Variants in SDK1 observed in about 807,000 individuals in gnomAD.
The protein encoded by SDK1 is sidekick cell adhesion molecule 1.
A neutral mutation model predicts 245.5 loss-of-function variants in SDK1; 157 were observed. The observed-to-expected ratio is 0.64, with a 90% confidence interval of 0.56 to 0.73. SDK1 has a LOEUF of 0.73. SDK1 is among the 30% of genes least tolerant of loss of function. The probability of loss-of-function intolerance (pLI) is 0.00; values close to 1 mark genes in which losing one functional copy is unlikely to be tolerated. For missense variants in SDK1, 3,583 were observed against 3,002.3 expected, an observed-to-expected ratio of 1.19 and a Z score of -4.52; for synonymous variants, 1,647 against 1,278.5, an observed-to-expected ratio of 1.29 and a Z score of -6.15.
intron 1 of SDK1, among the ~76,000 whole-genome samples, chr7:3,569,153 T>A (rs1391976213): frequency 6.6e-6 from 1 of 152,140 alleles, no homozygotes; most frequent in African/African-American, 2.4e-5. Context: ...TAAAAAGTGT[T>A]TAAAGTTAGT....
chr7:3,813,414 A>T (rs1195312300), intron 4 of SDK1, among the ~76,000 whole-genome samples: 1 of 142,180 alleles, frequency 7.0e-6, no homozygotes, highest in Non-Finnish European at 1.5e-5. Context: ...TTCCAATTTC[A>T]TCCATGTCCC....
chr7:4,157,419 A>G, intron 30 of SDK1, among the ~76,000 whole-genome samples: 3 of 33,824 alleles, frequency 8.9e-5, no homozygotes, highest in African/African-American at 1.8e-4. Context: ...GAAGAAAAGG[A>G]GGGAAGGAAG....
Position 3,641,990 on chromosome 7 carries a change from A to G in SDK1, c.598A>G (p.Lys200Glu). 6.2e-7 allele frequency: 1 copy of G among 1,613,994 alleles called. No homozygotes were observed. The change falls in exon 4 of 45, where the codon AAA becomes GAA. Residue 200 changes from lysine to glutamate, a missense_variant. Coordinates refer to ENST00000404826, the MANE Select transcript of SDK1 (RefSeq NM_152744.4). ...MGSFMDTDQR[K>E]TVSQGRAAIL... ...AAGTTTCATGGATACGGACCAGAGG[A>G]AAACAGTTTCTCAAGGACGTGCAGC...
Position 4,113,225 on chromosome 7 carries a change from G to A in SDK1, c.3435-64G>A, listed in dbSNP as rs538016269. On this transcript the variant is annotated intron_variant, in intron 23 of 44. Transcript: ENST00000404826. ...CTTGAGAAACAGTCAGCGCCTTTGT[G>A]GTTTCGTTCTTTTCCTTCTTACCTT... 7.7e-6 allele frequency: 12 copies of A among 1,548,974 alleles called. No individual in the cohort carries two copies. In the Middle Eastern group the frequency reaches 5.2e-4, roughly 67 times the overall value.
chr7:4,094,904 A>G (rs748683300), intron 22 of SDK1, among the ~76,000 whole-genome samples: 2 of 152,228 alleles, frequency 1.3e-5, no homozygotes, highest in African/African-American at 2.4e-5. Flanking sequence ...CTAAAAGGAC[A>G]TCTTAAAGCA....
At chr7:3,421,121 G>A (rs1445581226) in intron 1 of SDK1, among the ~76,000 whole-genome samples, 1 of 149,564 alleles carries the variant, frequency 6.7e-6, no homozygotes, top group Non-Finnish European at 1.5e-5. Context: ...GCCCAGGCTG[G>A]AGTGCAGTGG....
At chr7:3,897,216 G>A (rs1224634671) in intron 5 of SDK1, among the ~76,000 whole-genome samples, 1 of 152,146 alleles carries the variant, frequency 6.6e-6, no homozygotes, top group Non-Finnish European at 1.5e-5. Context: ...ATAAAATTTA[G>A]CATCTTCTCC....
In SDK1 at chr7:3,975,621, G is replaced by A. The variant is rs115454039; in HGVS notation, c.1994+1076G>A. On this transcript the variant is annotated intron_variant, in intron 13 of 44. Coordinates refer to ENST00000404826, the MANE Select transcript of SDK1 (RefSeq NM_152744.4). ...CTTCTGTGTCTGCCACACGCATGTG[G>A]AAATGAGTGAACTCACAAACAGCTT... is the stretch of plus-strand genomic sequence containing the variant. 9.9e-3 allele frequency among the ~76,000 whole-genome samples: 1,504 copies of A among 152,334 alleles called. 21 individuals are homozygous for A. Among genetic ancestry groups the A allele is most frequent in the African/African-American group, 0.034 (1,416 of 41,568 alleles).
Position 3,850,699 on chromosome 7 carries a change from C to T in SDK1, c.847+29116C>T, listed in dbSNP as rs542671173. Among the ~76,000 whole-genome samples, 138 of 152,260 alleles carry T rather than the reference C, an allele frequency of 9.1e-4. 1 individual carries two copies. Among genetic ancestry groups the T allele is most frequent in the African/African-American group, 3.2e-3 (131 of 41,538 alleles). On this transcript the variant is annotated intron_variant, in intron 5 of 44. Coordinates refer to ENST00000404826, the MANE Select transcript of SDK1 (RefSeq NM_152744.4). ...GCCATAAAAAAGGATGCGTTCATGTCTTTTGTAGGGACATGGATGAAGCTG... is the reference window on the plus strand; with the variant it reads ...GCCATAAAAAAGGATGCGTTCATGTTTTTTGTAGGGACATGGATGAAGCTG...
chr7:3,824,112 C>A (rs553293699), intron 5 of SDK1, among the ~76,000 whole-genome samples: 1 of 152,192 alleles, frequency 6.6e-6, no homozygotes, highest in East Asian at 1.9e-4. Context: ...CAGTTCAGGA[C>A]CTGGCCACCC....
chr7:4,214,503 C>T (rs1784680205), intron 38 of SDK1, among the ~76,000 whole-genome samples: 1 of 152,206 alleles, frequency 6.6e-6, no homozygotes, highest in Admixed American at 6.5e-5. Flanking sequence ...AGGCAATGTG[C>T]TCTGAGATTA....
intron 22 of SDK1, among the ~76,000 whole-genome samples, chr7:4,091,863 C>T (rs558282862): frequency 4.6e-5 from 7 of 152,190 alleles, no homozygotes; most frequent in South Asian, 2.1e-4. Flanking sequence ...TTCTTAATGC[C>T]GGAATTCTGG....
intron 4 of SDK1, among the ~76,000 whole-genome samples, chr7:3,812,591 G>A (rs993487161): frequency 1.3e-5 from 2 of 152,194 alleles, no homozygotes; most frequent in African/African-American, 4.8e-5. Flanking sequence ...TGCCCGCGTA[G>A]ACTAACTTGA....
chr7:4,142,526 A>G (rs755754815), intron 28 of SDK1, among the ~76,000 whole-genome samples: 2 of 151,962 alleles, frequency 1.3e-5, no homozygotes, highest in African/African-American at 2.4e-5. Flanking sequence ...ACAGGGTTTC[A>G]CCATTTTGGT....
intron 38 of SDK1, among the ~76,000 whole-genome samples, chr7:4,214,004 A>G (rs1166180254): frequency 6.6e-6 from 1 of 152,206 alleles, no homozygotes; most frequent in Non-Finnish European, 1.5e-5. Flanking sequence ...AGCACTTAAC[A>G]TCCGCTATCT....
At chr7:4,182,771 G>A (rs1008999414) in intron 35 of SDK1, among the ~76,000 whole-genome samples, 4 of 152,320 alleles carry the variant, frequency 2.6e-5, no homozygotes, top group Admixed American at 6.5e-5. Flanking sequence ...GGCAGAGCTG[G>A]TGAGGGTGCA....
intron 1 of SDK1, among the ~76,000 whole-genome samples, chr7:3,417,319 C>T (rs929923931): frequency 2.0e-5 from 3 of 152,234 alleles, no homozygotes; most frequent in Admixed American, 2.0e-4. Context: ...CTGCCCACCT[C>T]TCCAGCCAGT....
intron 16 of SDK1, 127 bp from the exon 17 acceptor site, chr7:4,017,044 T>C (rs1786457671): frequency 1.2e-6 from 1 of 836,142 alleles, no homozygotes; most frequent in South Asian, 2.3e-5. Flanking sequence ...TGTTTAGGGC[T>C]GACCTCTCAG....
rs76240483 is a variant in SDK1 at position 4,239,403 on chromosome 7, A to G, written c.6130+1619A>G. On this transcript the variant is annotated intron_variant, in intron 42 of 44. Coordinates refer to ENST00000404826, the MANE Select transcript of SDK1 (RefSeq NM_152744.4). ...GTAGTTACATTCACAATCATAAAGC[A>G]TCATTCTGGACACTTAAGATTAGCA... Among the ~76,000 whole-genome samples the G allele has an allele frequency of 2.5e-3, 388 of 152,356 alleles. 2 individuals are homozygous for G. Among genetic ancestry groups the G allele is most frequent in the South Asian group, 7.7e-3 (37 of 4,828 alleles).
Sources: gnomAD v4.1 joint callset for allele counts (sites outside exome capture counted in the v4.1 genomes callset) on GRCh38, gnomAD v4.1.1 for gene constraint, MANE v1.5 for transcripts, NCBI Gene and HGNC (gene_info 2026-07-23, HGNC 2026-07-21) for gene names.